Variants in SHROOM3 observed in about 807,000 individuals in gnomAD.
SHROOM3 encodes the protein protein Shroom3.
Under a neutral mutation model 138.6 loss-of-function variants are expected in SHROOM3, and 47 were observed. The ratio of observed to expected loss-of-function variants is 0.34; its 90% confidence interval spans 0.27 to 0.43. SHROOM3 has a LOEUF of 0.43. SHROOM3 is among the 20% of genes least tolerant of loss of function. SHROOM3 has a pLI of 1.00. For missense variants in SHROOM3, 2,491 were observed against 2,596.5 expected, an observed-to-expected ratio of 0.96 and a Z score of 0.88; for synonymous variants, 1,062 against 1,063.3, an observed-to-expected ratio of 1.00 and a Z score of 0.02.
chr4:76,476,410 A>G (rs1476243748), intron 1 of SHROOM3, among the ~76,000 whole-genome samples: 1 of 152,196 alleles, frequency 6.6e-6, no homozygotes, highest in Non-Finnish European at 1.5e-5. Context: ...CCAAATGCTC[A>G]TACATTCATT....
At chr4:76,549,886 C>G (rs1733312221) in intron 1 of SHROOM3, among the ~76,000 whole-genome samples, 2 of 152,134 alleles carry the variant, frequency 1.3e-5, no homozygotes, top group South Asian at 4.1e-4. Flanking sequence ...ACACTTGGCC[C>G]CCAGCTGGCT....
chr4:76,669,794 T>C (rs1314512982), intron 2 of SHROOM3, among the ~76,000 whole-genome samples: 2 of 152,230 alleles, frequency 1.3e-5, no homozygotes, highest in African/African-American at 4.8e-5. Context: ...TTGCTTTTAT[T>C]ATGCCTGAGG....
At chr4:76,689,902 G>C (rs1719468207) in intron 2 of SHROOM3, among the ~76,000 whole-genome samples, 2 of 152,182 alleles carry the variant, frequency 1.3e-5, no homozygotes, top group Admixed American at 1.3e-4. Context: ...CCTAGGCCTT[G>C]GCTTTTTATC....
At chr4:76,640,749 C>T (rs995544230) in intron 2 of SHROOM3, among the ~76,000 whole-genome samples, 10 of 152,168 alleles carry the variant, frequency 6.6e-5, no homozygotes, top group African/African-American at 2.4e-4. Context: ...GCCCAAAAGC[C>T]GGATGATCTC....
chr4:76,442,034 T>A (rs1366614965), intron 1 of SHROOM3, among the ~76,000 whole-genome samples: 7 of 152,226 alleles, frequency 4.6e-5, no homozygotes, highest in Admixed American at 4.6e-4. Flanking sequence ...CCAGTGGCTT[T>A]TTATTATACA....
intron 2 of SHROOM3, chr4:76,559,505 G>C (rs1391013148): frequency 6.6e-6 from 1 of 151,908 alleles, no homozygotes; most frequent in East Asian, 1.9e-4. Flanking sequence ...AAAAGACTGG[G>C]GTGTCTTCCT....
chr4:76,455,516 T>C (rs902286571), intron 1 of SHROOM3, among the ~76,000 whole-genome samples: 1 of 151,858 alleles, frequency 6.6e-6, no homozygotes, highest in Non-Finnish European at 1.5e-5. Context: ...AATGATATAA[T>C]AAATAGGGAT....
intron 2 of SHROOM3, among the ~76,000 whole-genome samples, chr4:76,634,175 A>G (rs1429592632): frequency 6.6e-6 from 1 of 152,032 alleles, no homozygotes; most frequent in Admixed American, 6.6e-5. Context: ...GTATTTTTCT[A>G]CCTGACAGCT....
chr4:76,676,730 C>G (rs1224099907), intron 2 of SHROOM3, among the ~76,000 whole-genome samples: 1 of 151,822 alleles, frequency 6.6e-6, no homozygotes. Flanking sequence ...AACTCTGACC[C>G]TTGGAGAGCG....
intron 2 of SHROOM3, among the ~76,000 whole-genome samples, chr4:76,695,505 C>T (rs528646992): frequency 2.1e-3 from 323 of 152,296 alleles, no homozygotes; most frequent in Non-Finnish European, 3.9e-3. Flanking sequence ...TTTCCTATTT[C>T]CATTGGCATT....
intron 1 of SHROOM3, among the ~76,000 whole-genome samples, chr4:76,516,207 A>G (rs1391694673): frequency 6.6e-6 from 1 of 152,146 alleles, no homozygotes; most frequent in Non-Finnish European, 1.5e-5. Context: ...CTATTACTCA[A>G]ATGTATATCT....
chr4:76,699,179 C>A (rs151003194), intron 2 of SHROOM3, among the ~76,000 whole-genome samples: 9 of 152,218 alleles, frequency 5.9e-5, no homozygotes, highest in African/African-American at 2.2e-4. Flanking sequence ...TGGCAGAGAT[C>A]AGATTAGAAC....
At chr4:76,671,851 T>C (rs567732420) in intron 2 of SHROOM3, among the ~76,000 whole-genome samples, 1 of 152,268 alleles carries the variant, frequency 6.6e-6, no homozygotes, top group African/African-American at 2.4e-5. Flanking sequence ...TTTTTTTGGA[T>C]TTTGATATTT....
intron 2 of SHROOM3, among the ~76,000 whole-genome samples, chr4:76,558,986 CCT>C (rs1309780971): frequency 6.6e-6 from 1 of 152,178 alleles, no homozygotes; most frequent in African/African-American, 2.4e-5. Flanking sequence ...CCAACGTTCT[CCT>C]CTCCATTTTC....
At chr4:76,522,515 T>C (rs1244898974) in intron 1 of SHROOM3, among the ~76,000 whole-genome samples, 1 of 151,970 alleles carries the variant, frequency 6.6e-6, no homozygotes, top group Non-Finnish European at 1.5e-5. Flanking sequence ...GAATTCTTGT[T>C]TGGGGCAGTG....
chr4:76,485,693 C>A (rs1013090319), intron 1 of SHROOM3, among the ~76,000 whole-genome samples: 2 of 152,070 alleles, frequency 1.3e-5, no homozygotes, highest in African/African-American at 4.8e-5. Context: ...TTATGTATCG[C>A]CTCTTTGTCC....
chr4:76,747,496 A>C (rs942511480), intron 5 of SHROOM3, among the ~76,000 whole-genome samples: 5 of 152,242 alleles, frequency 3.3e-5, no homozygotes, highest in African/African-American at 9.6e-5. Context: ...CATCCACATA[A>C]ATAGTTTAAG....
intron 1 of SHROOM3, among the ~76,000 whole-genome samples, chr4:76,511,342 TA>T (rs58666025): frequency 0.3 from 45,104 of 151,962 alleles, 7,555 homozygotes; most frequent in African/African-American, 0.44. Flanking sequence ...TGTTATAAAG[TA>T]AAAGATCTAG....
intron 10 of SHROOM3, among the ~76,000 whole-genome samples, chr4:76,778,290 C>T (rs1332309386): frequency 6.6e-6 from 1 of 150,974 alleles, no homozygotes; most frequent in Non-Finnish European, 1.5e-5. Flanking sequence ...TGGCACATCT[C>T]GGCTCACTGC....
Sources: gnomAD v4.1 joint callset for allele counts (sites outside exome capture counted in the v4.1 genomes callset) on GRCh38, gnomAD v4.1.1 for gene constraint, MANE v1.5 for transcripts, NCBI Gene and HGNC (gene_info 2026-07-23, HGNC 2026-07-21) for gene names.